The following PASK variants were observed in gnomAD, a reference collection of about 807,000 sequenced individuals.
PASK encodes the protein PAS domain containing serine/threonine kinase, also known as PAS domain-containing serine/threonine-protein kinase.
A neutral mutation model predicts 121.0 loss-of-function variants in PASK; 110 were observed. The ratio of observed to expected loss-of-function variants is 0.91; its 90% CI spans 0.78 to 1.06. The LOEUF (loss-of-function observed/expected upper bound fraction) is 1.06. Ranked by LOEUF, PASK falls within the 50% of genes least tolerant of loss-of-function variation. The probability of loss-of-function intolerance (pLI) is 0.00; values close to 1 mark genes in which losing one functional copy is unlikely to be tolerated. For synonymous variants in PASK, 686 were observed against 717.8 expected (o/e 0.96, Z 0.71); for missense variants, 1,643 against 1,702.3 (o/e 0.97, Z 0.61).
chr2:241,145,063 G>A (rs963722611), intron 1 of PASK, among the ~76,000 whole-genome samples: 3 of 152,044 alleles, frequency 2.0e-5, no homozygotes, highest in East Asian at 1.9e-4. Flanking sequence ...ACAGGCAGCC[G>A]CCACCACGCC....
chr2:241,133,377 C>A (rs888273455), intron 8 of PASK: 3 of 382,816 alleles, frequency 7.8e-6, no homozygotes, highest in Non-Finnish European at 1.5e-5. Flanking sequence ...TCCTCCAGGT[C>A]TCTCCACCTG....
In PASK at chr2:241,112,393, C is replaced by T. The variant is rs370099607; in HGVS notation, c.3380G>A (p.Arg1127His). The change falls in exon 15 of 18, where the codon CGT becomes CAT. Residue 1127 changes from arginine (R) to histidine (H), a missense_variant. This residue lies in a region of PASK where 453 missense variants were observed against 511.2 expected (regional missense o/e 0.89). Transcript: ENST00000234040. This position sits in a 1 kb window ranked among gnomAD's most constrained non-coding sequence, Gnocchi z 5.2. ...CACGATGTTCTCATCCTTGATGTCA[C>T]GGTGGATGATGTCCTTCAAGCGCAG... ...GYLRLKDIIH[R>H]DIKDENIVIA... 14 of 1,613,504 alleles carry T rather than the reference C, an allele frequency of 8.7e-6. No homozygotes were observed. The highest frequency in any genetic ancestry group is 6.7e-5 in the East Asian group (3 of 44,882).
chr2:241,129,750 C>T (rs1288043809), intron 9 of PASK, among the ~76,000 whole-genome samples: 1 of 152,236 alleles, frequency 6.6e-6, no homozygotes, highest in Admixed American at 6.5e-5. Flanking sequence ...GGCCAGCATG[C>T]AGTCAGGGCA....
At chr2:241,136,624 C>T (rs1345290221) in intron 7 of PASK, among the ~76,000 whole-genome samples, 1 of 152,156 alleles carries the variant, frequency 6.6e-6, no homozygotes, top group South Asian at 2.1e-4. Flanking sequence ...CCAGGAAGAA[C>T]ACTAACTGCT....
chr2:241,139,785 C>G, intron 4 of PASK, 100 bp downstream of exon 4: 2 of 1,170,984 alleles, frequency 1.7e-6, no homozygotes, highest in South Asian at 2.6e-5. Context: ...CTGGTGCCAC[C>G]CAACCCCCAG....
intron 10 of PASK, among the ~76,000 whole-genome samples, chr2:241,124,924 T>C (rs2065786229): frequency 1.3e-5 from 2 of 152,290 alleles, no homozygotes; most frequent in African/African-American, 4.8e-5. Context: ...CTCAGCACTT[T>C]GGGAGGCCGA....
chr2:241,115,712 ACCGGGG>A (rs2065312526), intron 12 of PASK, among the ~76,000 whole-genome samples: 1 of 127,176 alleles, frequency 7.9e-6, no homozygotes, highest in Non-Finnish European at 1.6e-5. Context: ...ATCCCATTAC[ACCGGGG>A]CCACCCGGTC....
intron 12 of PASK, among the ~76,000 whole-genome samples, chr2:241,121,421 T>C (rs561245147): frequency 6.6e-6 from 1 of 152,118 alleles, no homozygotes; most frequent in Non-Finnish European, 1.5e-5. Context: ...TAATAAAATA[T>C]AGTCAACAGA....
At chr2:241,145,559 ACT>A (rs2066913880) in intron 1 of PASK, among the ~76,000 whole-genome samples, 1 of 151,712 alleles carries the variant, frequency 6.6e-6, no homozygotes, top group Non-Finnish European at 1.5e-5. Context: ...GGCACAAAAA[ACT>A]CTAGCTATAA....
At chr2:241,140,214 C>T (rs1314016573) in intron 3 of PASK, among the ~76,000 whole-genome samples, 159 bp from the exon 4 acceptor site, 1 of 108,032 alleles carries the variant, frequency 9.3e-6, no homozygotes, top group Admixed American at 1.0e-4. Context: ...AATCAGAGCT[C>T]ACTGCAGCGG....
upstream of PASK, chr2:241,150,315 G>A (rs2067226305): frequency 6.8e-6 from 9 of 1,333,208 alleles, no homozygotes; most frequent in South Asian, 1.7e-4. Context: ...CTCTGGGGGA[G>A]GCGCGGCGCG....
At chr2:241,114,869 C>G in intron 14 of PASK, 174 bp downstream of exon 14, 1 of 1,515,960 alleles carries the variant, frequency 6.6e-7, no homozygotes. Flanking sequence ...ACTTTCTCTA[C>G]TTCAATCATA....
At chr2:241,136,111 G>A in intron 7 of PASK, 72 bp from the exon 8 acceptor site, 1 of 1,353,426 alleles carries the variant, frequency 7.4e-7, no homozygotes, top group Non-Finnish European at 1.1e-6. Context: ...CCCCCTGGGG[G>A]AGGAATGAAC....
chr2:241,150,005 C>A, upstream of PASK: 1 of 1,404,544 alleles, frequency 7.1e-7, no homozygotes, highest in South Asian at 1.5e-5. Flanking sequence ...TTGCTCTTGC[C>A]GTTCGGCCCA....
intron 1 of PASK, among the ~76,000 whole-genome samples, chr2:241,145,205 G>A (rs773893462): frequency 2.6e-5 from 4 of 152,034 alleles, no homozygotes; most frequent in Admixed American, 6.5e-5. Context: ...GAGCCACCGC[G>A]CCCGGCCGAC....
At position 241,108,103 on chromosome 2, in the gene PASK, G is replaced by A; in HGVS notation, c.3667+64C>T. On this transcript the variant is annotated intron_variant, in intron 16 of 17. Transcript: ENST00000234040. This position sits in a 1 kb window ranked among gnomAD's most constrained non-coding sequence, Gnocchi z 5.2. The stretch of plus-strand genomic sequence containing the variant: ...GATACACTGAGGAATGAGGAAATGG[G>A]AAAAAAAAGTGGCTGGTCTCTAAGG... 1 of 1,543,338 alleles carries A rather than the reference G, an allele frequency of 6.5e-7. No individual in the cohort carries two copies. The highest frequency in any genetic ancestry group is 9.0e-7 in the Non-Finnish European group (1 of 1,116,086).
chr2:241,114,934 T>C (rs778383158), intron 14 of PASK, 109 bp downstream of exon 14: 1 of 1,593,392 alleles, frequency 6.3e-7, no homozygotes, highest in Admixed American at 1.7e-5. Flanking sequence ...CACAGAAGGC[T>C]AGATCCAGCT....
chr2:241,126,179 TG>T lies in PASK; in HGVS notation c.2719+16del. On this transcript the variant is annotated intron_variant, in intron 10 of 17. Coordinates refer to ENST00000234040, the MANE Select transcript of PASK (RefSeq NM_015148.4). ...TCTGGGAGCACCACACTTCTTCCTATGGGGCCCGGGACATACTCAGCCGTAA... is the reference window on the plus strand; with the variant it reads ...TCTGGGAGCACCACACTTCTTCCTATGGGCCCGGGACATACTCAGCCGTAA... The T allele has an allele frequency of 6.2e-7, 1 of 1,612,900 alleles. No individual in the cohort carries two copies.
intron 12 of PASK, chr2:241,118,765 G>T: frequency 3.5e-6 from 1 of 287,754 alleles, no homozygotes; most frequent in South Asian, 8.7e-5. Flanking sequence ...GCTGGCAGGG[G>T]CCCACGGCGC....
Sources: gnomAD v4.1 joint callset for allele counts (sites outside exome capture counted in the v4.1 genomes callset) on GRCh38, gnomAD v4.1.1 for gene constraint, gnomAD v4.1.1 regional missense constraint, Gnocchi (gnomAD v3.1) non-coding constraint, MANE v1.5 for transcripts, NCBI Gene and HGNC (gene_info 2026-07-23, HGNC 2026-07-21) for gene names.